RBFOX1: variants seen among roughly 807,000 people sequenced by gnomAD.
The protein encoded by RBFOX1 is RNA binding protein fox-1 homolog 1.
Under a neutral mutation model 57.7 loss-of-function variants are expected in RBFOX1, and 8 were observed. That is an observed-to-expected ratio of 0.14 (90% confidence interval 0.08 to 0.25). RBFOX1 has a LOEUF of 0.25. RBFOX1 is among the 10% of genes least tolerant of loss of function. The pLI, the probability that RBFOX1 is intolerant of heterozygous loss-of-function variation, is 1.00. For synonymous variants in RBFOX1, 326 were observed against 222.4 expected (o/e 1.47, Z -4.15); for missense variants, 611 against 548.5 (o/e 1.11, Z -1.14).
At chr16:6,388,840 A>G (rs1409888763) in intron 2 of RBFOX1, among the ~76,000 whole-genome samples, 2 of 152,228 alleles carry the variant, frequency 1.3e-5, no homozygotes, top group East Asian at 3.8e-4. Context: ...ACAAACATAC[A>G]AATACACCAT....
intron 11 of RBFOX1, among the ~76,000 whole-genome samples, chr16:7,641,038 C>A (rs985605351): frequency 1.3e-5 from 2 of 152,094 alleles, no homozygotes; most frequent in African/African-American, 4.8e-5. Flanking sequence ...GTGCACATTC[C>A]CAAGGGCCCC....
intron 3 of RBFOX1, among the ~76,000 whole-genome samples, chr16:5,766,782 G>A (rs904450225): frequency 6.6e-6 from 1 of 152,088 alleles, no homozygotes; most frequent in African/African-American, 2.4e-5. Context: ...CAGAAGCTAA[G>A]GCTACCCACC....
intron 4 of RBFOX1, among the ~76,000 whole-genome samples, chr16:7,363,155 T>C (rs1294210782): frequency 6.6e-6 from 1 of 152,148 alleles, no homozygotes; most frequent in African/African-American, 2.4e-5. Context: ...ATTTTCATTA[T>C]GAGAGGCTTT....
chr16:6,556,071 C>T (rs1459718252), intron 2 of RBFOX1, among the ~76,000 whole-genome samples: 1 of 152,092 alleles, frequency 6.6e-6, no homozygotes, highest in Non-Finnish European at 1.5e-5. Flanking sequence ...CTCCCATGGC[C>T]TTCAGAATTA....
intron 3 of RBFOX1, among the ~76,000 whole-genome samples, chr16:6,712,609 A>T (rs1401112405): frequency 6.6e-6 from 1 of 152,156 alleles, no homozygotes; most frequent in Non-Finnish European, 1.5e-5. Flanking sequence ...TAATTTAATC[A>T]TTCCTTTATT....
chr16:5,591,590 C>G (rs1165538382), intron 2 of RBFOX1, among the ~76,000 whole-genome samples: 5 of 152,168 alleles, frequency 3.3e-5, no homozygotes, highest in African/African-American at 9.7e-5. Flanking sequence ...TCTTCTCTGT[C>G]TTCTGAAGAT....
chr16:7,614,726 C>G (rs1035806374), intron 10 of RBFOX1: 1 of 151,752 alleles, frequency 6.6e-6, no homozygotes, highest in African/African-American at 2.4e-5. Flanking sequence ...TAGTGAGAAA[C>G]TCAAACCATC....
At chr16:5,354,672 G>C (rs186391927) in intron 1 of RBFOX1, among the ~76,000 whole-genome samples, 1 of 152,354 alleles carries the variant, frequency 6.6e-6, no homozygotes, top group African/African-American at 2.4e-5. Flanking sequence ...TCTTTGTGTA[G>C]GGCAGCTCTT....
At chr16:7,247,998 T>C (rs1439427556) in intron 4 of RBFOX1, among the ~76,000 whole-genome samples, 2 of 152,014 alleles carry the variant, frequency 1.3e-5, no homozygotes, top group African/African-American at 4.8e-5. Context: ...TGACACAAGT[T>C]TACCCAAATA....
intron 3 of RBFOX1, among the ~76,000 whole-genome samples, chr16:6,963,633 G>T (rs2083467951): frequency 6.6e-6 from 1 of 152,126 alleles, no homozygotes; most frequent in Non-Finnish European, 1.5e-5. Context: ...AAGATCCAGG[G>T]GTGCCAGAGA....
intron 2 of RBFOX1, among the ~76,000 whole-genome samples, chr16:5,572,371 C>G (rs1049740816): frequency 6.6e-6 from 1 of 152,184 alleles, no homozygotes; most frequent in Admixed American, 6.5e-5. Context: ...ACAAAAATCC[C>G]TGAGGCCACT....
intron 9 of RBFOX1, among the ~76,000 whole-genome samples, chr16:7,598,319 T>C (rs1004049364): frequency 6.6e-6 from 1 of 152,178 alleles, no homozygotes; most frequent in Non-Finnish European, 1.5e-5. Context: ...CGCATAACTT[T>C]AGATAAATGA....
chr16:7,350,263 G>C (rs539746301), intron 4 of RBFOX1, among the ~76,000 whole-genome samples: 2 of 152,186 alleles, frequency 1.3e-5, no homozygotes, highest in African/African-American at 4.8e-5. Context: ...GTGTACAGTC[G>C]TGGGGTATGG....
intron 4 of RBFOX1, among the ~76,000 whole-genome samples, chr16:7,247,241 T>A (rs1305503601): frequency 6.6e-6 from 1 of 152,126 alleles, no homozygotes; most frequent in Non-Finnish European, 1.5e-5. Flanking sequence ...AAACTTCTAT[T>A]GTGCAAACGC....
intron 3 of RBFOX1, among the ~76,000 whole-genome samples, chr16:6,707,902 G>A (rs935458698): frequency 2.0e-5 from 3 of 152,188 alleles, no homozygotes; most frequent in African/African-American, 7.2e-5. Flanking sequence ...TGTGAGAGAG[G>A]GACTTAGGGG....
intron 2 of RBFOX1, among the ~76,000 whole-genome samples, chr16:6,605,496 G>A (rs926081097): frequency 6.6e-6 from 1 of 152,104 alleles, no homozygotes; most frequent in Non-Finnish European, 1.5e-5. Flanking sequence ...CCCCCAAAGA[G>A]AGAAATCAGA....
At chr16:7,245,548 C>T (rs1044342130) in intron 4 of RBFOX1, among the ~76,000 whole-genome samples, 1 of 152,130 alleles carries the variant, frequency 6.6e-6, no homozygotes, top group Non-Finnish European at 1.5e-5. Context: ...TTTTCATAAT[C>T]AACAAGACAA....
Position 6,080,843 on chromosome 16 carries a change from T to C in RBFOX1, c.-127+60851T>C, listed in dbSNP as rs77154527. On this transcript the variant is annotated intron_variant, in intron 1 of 15. Coordinates refer to ENST00000550418, the MANE Select transcript of RBFOX1 (RefSeq NM_018723.4). Reference sequence around the variant, plus strand: ...CATTTTCAGTGCCCTTTGATGTGTGTACGTGAAAAAGCTGCTTGTTTTCCT... The same window carrying C: ...CATTTTCAGTGCCCTTTGATGTGTGCACGTGAAAAAGCTGCTTGTTTTCCT... Among the ~76,000 whole-genome samples, 217 of 152,346 alleles carry C rather than the reference T, an allele frequency of 1.4e-3. 2 individuals carry two copies. Among genetic ancestry groups the C allele is most frequent in the African/African-American group, 5.0e-3 (208 of 41,576 alleles).
intron 3 of RBFOX1, among the ~76,000 whole-genome samples, chr16:5,784,207 G>A (rs866506907): frequency 3.3e-5 from 5 of 152,228 alleles, no homozygotes; most frequent in Middle Eastern, 3.4e-3. Flanking sequence ...GGATCACGAG[G>A]TCAGGAGATC....
Sources: gnomAD v4.1 joint callset for allele counts (sites outside exome capture counted in the v4.1 genomes callset) on GRCh38, gnomAD v4.1.1 for gene constraint, MANE v1.5 for transcripts, NCBI Gene and HGNC (gene_info 2026-07-23, HGNC 2026-07-21) for gene names.